The following KCND3 variants were observed in gnomAD, a reference collection of about 807,000 sequenced individuals.
KCND3 encodes A-type voltage-gated potassium channel KCND3.
KCND3 carries 9 observed loss-of-function variants against 51.1 expected under a neutral mutation model. The ratio of observed to expected loss-of-function variants is 0.18; its 90% CI spans 0.11 to 0.31. The LOEUF is 0.31. Ranked by LOEUF, KCND3 falls within the 10% of genes least tolerant of loss-of-function variation. The pLI, the probability that KCND3 is intolerant of heterozygous loss-of-function variation, is 1.00. For missense variants in KCND3, 526 were observed against 903.8 expected, an observed-to-expected ratio of 0.58 and a Z score of 5.36; for synonymous variants, 349 against 368.0, an observed-to-expected ratio of 0.95 and a Z score of 0.59.
intron 2 of KCND3, among the ~76,000 whole-genome samples, chr1:111,809,584 A>T (rs1211161742): frequency 6.6e-6 from 1 of 152,196 alleles, no homozygotes; most frequent in South Asian, 2.1e-4. Context: ...CTGGGATTAC[A>T]GGCATGAGCC....
chr1:111,875,518 A>C (rs1330470246), intron 2 of KCND3, among the ~76,000 whole-genome samples: 1 of 152,218 alleles, frequency 6.6e-6, no homozygotes, highest in East Asian at 1.9e-4. Context: ...CAAGAATGAA[A>C]GTTCAGAAAG....
Position 111,982,131 on chromosome 1 carries a change from G to T in KCND3, c.596C>A (p.Thr199Asn). Residue 199 changes from threonine to asparagine, a missense_variant, in exon 2 of 8, where the codon ACC (threonine) becomes AAC (asparagine). Thr to Asn is a moderately conservative substitution (Grantham distance 65). Transcript: ENST00000302127. The surrounding 1 kb of genome is among the most constrained non-coding windows in gnomAD (Gnocchi z 8.5). ...GCACGGCACCGTCTCCACCACGTTG[G>T]TGATGACCGAGACAGCGATGAAGAA... The part of the protein sequence containing the change: ...TGFFIAVSVI[T>N]NVVETVPCGT... 1 of 1,613,960 alleles carries T rather than the reference G, an allele frequency of 6.2e-7. No individual in the cohort carries two copies. The highest frequency in any genetic ancestry group is 1.1e-5 in the South Asian group (1 of 91,062).
At chr1:111,810,180 A>G (rs1043497202) in intron 2 of KCND3, among the ~76,000 whole-genome samples, 3 of 152,064 alleles carry the variant, frequency 2.0e-5, no homozygotes, top group African/African-American at 7.3e-5. Flanking sequence ...TCTTGAATAA[A>G]CTGGGTGAGC....
intron 2 of KCND3, among the ~76,000 whole-genome samples, chr1:111,857,960 A>T (rs996855270): frequency 2.0e-5 from 3 of 151,882 alleles, no homozygotes; most frequent in Middle Eastern, 3.4e-3. Context: ...TTATTAAAAA[A>T]TTTTTCTGAT....
chr1:111,824,258 G>C (rs572859778), intron 2 of KCND3, among the ~76,000 whole-genome samples: 1 of 152,174 alleles, frequency 6.6e-6, no homozygotes, highest in African/African-American at 2.4e-5. Flanking sequence ...GGAAAGGGCC[G>C]GTAGTTGAAG....
intron 2 of KCND3, among the ~76,000 whole-genome samples, chr1:111,934,211 C>A (rs1217171684): frequency 1.3e-5 from 2 of 152,314 alleles, no homozygotes; most frequent in East Asian, 3.9e-4. Flanking sequence ...GAGGCTTCAG[C>A]TGAAAGGCCT....
At position 111,776,324 on chromosome 1, in the gene KCND3, G is replaced by C. The variant is rs148749616; in HGVS notation, c.1767-46C>G. 15 of 1,573,606 alleles carry C rather than the reference G, an allele frequency of 9.5e-6. No homozygotes were observed. In the African/African-American group the frequency reaches 1.5e-4, roughly 16 times the overall value. On this transcript the variant is annotated intron_variant, in intron 7 of 7. Coordinates refer to ENST00000302127, the MANE Select transcript of KCND3 (RefSeq NM_001378969.1). The stretch of plus-strand genomic sequence containing the variant: ...TTGATGATGGTTCCTGCTGGCCAGC[G>C]TCCCAAAGCTTCCTTGACCCCCTAC...
At chr1:111,901,752 T>C (rs1054871730) in intron 2 of KCND3, among the ~76,000 whole-genome samples, 8 of 152,082 alleles carry the variant, frequency 5.3e-5, no homozygotes, top group Non-Finnish European at 1.2e-4. Flanking sequence ...CAGCCTGACC[T>C]CTCCTGCCTG....
intron 2 of KCND3, among the ~76,000 whole-genome samples, chr1:111,894,300 A>T (rs1669994490): frequency 6.6e-6 from 1 of 152,084 alleles, no homozygotes; most frequent in Non-Finnish European, 1.5e-5. Context: ...CTCTCCCCCT[A>T]GAATGCTCTT....
intron 2 of KCND3, among the ~76,000 whole-genome samples, chr1:111,850,119 T>C (rs576922993): frequency 1.6e-4 from 25 of 152,266 alleles, no homozygotes; most frequent in African/African-American, 6.0e-4. Flanking sequence ...TCTGTCCTTT[T>C]CTCTGCAGAG....
intron 2 of KCND3, among the ~76,000 whole-genome samples, chr1:111,966,425 C>A (rs1673988941): frequency 1.3e-5 from 2 of 152,128 alleles, no homozygotes; most frequent in South Asian, 4.1e-4. Context: ...GTGGAGGTAT[C>A]AGTAGGGCTG....
chr1:111,981,727 T>A lies in KCND3; in HGVS notation c.1000A>T (p.Ile334Phe), dbSNP rs1674958587. ...GCATAAAACATCACAGTGGCAAAGA[T>A]GATGATGGCCATGGTGAGGGAGAAG... Reference protein sequence around the residue: ...LLFSLTMAIIIFATVMFYAEK... With the variant: ...LLFSLTMAIIFFATVMFYAEK... Residue 334 changes from isoleucine to phenylalanine, a missense_variant, in exon 2 of 8, where the codon ATC becomes TTC. Transcript: ENST00000302127. This position sits in a 1 kb window ranked among gnomAD's most constrained non-coding sequence, Gnocchi z 6.2. 6.2e-7 allele frequency: 1 copy of A among 1,613,860 alleles called. No individual in the cohort carries two copies. The highest frequency in any genetic ancestry group is 1.3e-5 in the African/African-American group (1 of 74,834).
At chr1:111,883,801 G>C (rs1669443308) in intron 2 of KCND3, among the ~76,000 whole-genome samples, 1 of 152,184 alleles carries the variant, frequency 6.6e-6, no homozygotes, top group African/African-American at 2.4e-5. Context: ...TTGGTGCTAG[G>C]ATATGAGAGT....
intron 2 of KCND3, among the ~76,000 whole-genome samples, chr1:111,952,150 G>A (rs1673090564): frequency 6.6e-6 from 1 of 152,196 alleles, no homozygotes; most frequent in South Asian, 2.1e-4. Context: ...AAAGTCTCTG[G>A]GAGTCAGCCT....
intron 2 of KCND3, among the ~76,000 whole-genome samples, chr1:111,805,008 G>A (rs1348390240): frequency 6.6e-6 from 1 of 152,192 alleles, no homozygotes; most frequent in Non-Finnish European, 1.5e-5. Flanking sequence ...GACAGCACGG[G>A]TGAAGCACAG....
At chr1:111,885,684 T>TG (rs1452748395) in intron 2 of KCND3, among the ~76,000 whole-genome samples, 1 of 152,148 alleles carries the variant, frequency 6.6e-6, no homozygotes, top group Non-Finnish European at 1.5e-5. Context: ...TGATTTTTTT[T>TG]TTTTTTAGAC....
intron 2 of KCND3, among the ~76,000 whole-genome samples, chr1:111,842,969 GT>G (rs1667394184): frequency 6.6e-6 from 1 of 152,210 alleles, no homozygotes; most frequent in Admixed American, 6.5e-5. Flanking sequence ...TTTTGGCATG[GT>G]TAGCATCTTT....
At chr1:111,793,238 C>T (rs1380732707) in intron 2 of KCND3, among the ~76,000 whole-genome samples, 4 of 147,272 alleles carry the variant, frequency 2.7e-5, no homozygotes, top group African/African-American at 7.6e-5. Flanking sequence ...TGCAGTGGTG[C>T]GATCTCGGCT....
chr1:111,790,892 G>A (rs1431404912), intron 2 of KCND3, among the ~76,000 whole-genome samples: 1 of 152,206 alleles, frequency 6.6e-6, no homozygotes. Context: ...GTTGTAGAAT[G>A]TATCAGTACT....
Sources: allele counts gnomAD v4.1 joint callset (sites outside exome capture counted in the v4.1 genomes callset), GRCh38; gene constraint gnomAD v4.1.1; non-coding constraint Gnocchi (gnomAD v3.1); transcripts MANE v1.5; gene names NCBI Gene and HGNC (gene_info 2026-07-23, HGNC 2026-07-21).